AFAP1L2: variants seen among roughly 807,000 people sequenced by gnomAD.
AFAP1L2 encodes actin filament associated protein 1 like 2.
In AFAP1L2, 46 loss-of-function variants were observed where a neutral mutation model predicts 99.3. That is an observed-to-expected ratio of 0.46 (90% CI 0.37 to 0.59). The LOEUF is 0.59. Among genes scored for constraint, AFAP1L2 ranks in the 20% least tolerant of loss-of-function variants. The pLI is 0.00. For synonymous variants in AFAP1L2, 397 were observed against 419.1 expected (o/e 0.95, Z 0.64); for missense variants, 959 against 1,034.9 (o/e 0.93, Z 1.01).
chr10:114,310,536 G>T, intron 7 of AFAP1L2, 93 bp from the exon 8 acceptor site: 2 of 1,106,464 alleles, frequency 1.8e-6, no homozygotes, highest in Non-Finnish European at 2.6e-6. Flanking sequence ...GGTCAGGGGA[G>T]AGTGGGTGGA....
At chr10:114,289,088 T>C in the AFAP1L2 span, 2 of 1,614,094 alleles carry the variant, frequency 1.2e-6, no homozygotes, top group Non-Finnish European at 1.7e-6. Context: ...GGCCTGGTGG[T>C]GTATGGCAGC....
chr10:114,302,077 G>A (rs2041292234), intron 12 of AFAP1L2: 3 of 467,978 alleles, frequency 6.4e-6, no homozygotes, highest in Non-Finnish European at 1.2e-5. Flanking sequence ...CTGCCTGGAG[G>A]AGCTGGAGAG....
In AFAP1L2 at chr10:114,335,299, A is replaced by AT. The variant is rs398054745; in HGVS notation, c.146-2005dup. The stretch of plus-strand genomic sequence containing the variant: ...AGGACATTCACTACAATACTGCATG[A>AT]TTTTTTTTTTTAAAAAAAGAATACA... On this transcript the variant is annotated intron_variant, in intron 2 of 18. Transcript: ENST00000304129. 4.0e-3 allele frequency among the ~76,000 whole-genome samples: 601 copies of AT among 150,422 alleles called. 2 individuals carry two copies. The highest frequency in any genetic ancestry group is 6.9e-3 in the Middle Eastern group (2 of 290).
At chr10:114,397,779 G>C (rs1590883883) in intron 1 of AFAP1L2, among the ~76,000 whole-genome samples, 1 of 152,156 alleles carries the variant, frequency 6.6e-6, no homozygotes, top group Non-Finnish European at 1.5e-5. Context: ...AGCCTCTCTT[G>C]CTTTAATCTC....
intron 7 of AFAP1L2, among the ~76,000 whole-genome samples, chr10:114,313,354 G>A (rs1326817179): frequency 2.6e-5 from 4 of 152,142 alleles, no homozygotes; most frequent in African/African-American, 9.7e-5. Context: ...AGTGGGCCAC[G>A]TGCATTCGTG....
intron 4 of AFAP1L2, among the ~76,000 whole-genome samples, chr10:114,331,139 C>T (rs1372015209): frequency 6.6e-6 from 1 of 152,058 alleles, no homozygotes; most frequent in East Asian, 1.9e-4. Context: ...TGAGGCCATG[C>T]TAAGGAACGG....
intron 5 of AFAP1L2, among the ~76,000 whole-genome samples, chr10:114,318,883 G>A (rs933951126): frequency 1.3e-5 from 2 of 152,130 alleles, no homozygotes; most frequent in African/African-American, 4.8e-5. Flanking sequence ...GCCAGGCATG[G>A]TGGCTCATGC....
chr10:114,318,446 GA>G (rs1248721402), intron 5 of AFAP1L2, among the ~76,000 whole-genome samples: 1 of 151,646 alleles, frequency 6.6e-6, no homozygotes, highest in Non-Finnish European at 1.5e-5. Context: ...AAAACATTGA[GA>G]AAAAAAAGAG....
At chr10:114,328,171 G>A (rs1413846705) in intron 4 of AFAP1L2, among the ~76,000 whole-genome samples, 2 of 152,030 alleles carry the variant, frequency 1.3e-5, no homozygotes, top group Non-Finnish European at 2.9e-5. Flanking sequence ...CCACACCCAC[G>A]AGGTTGCTCC....
intron 4 of AFAP1L2, among the ~76,000 whole-genome samples, chr10:114,325,214 A>G (rs1173080298): frequency 6.6e-6 from 1 of 152,174 alleles, no homozygotes; most frequent in Non-Finnish European, 1.5e-5. Flanking sequence ...TTGAAAATTC[A>G]ATGAGACAAA....
chr10:114,288,542 C>T, the AFAP1L2 span, among the ~76,000 whole-genome samples: 3 of 152,320 alleles, frequency 2.0e-5, no homozygotes, highest in Non-Finnish European at 4.4e-5. Flanking sequence ...GTGAGTGGCC[C>T]GGGCCAGCAG....
At chr10:114,323,965 G>A (rs528236745) in intron 4 of AFAP1L2, among the ~76,000 whole-genome samples, 20 of 152,280 alleles carry the variant, frequency 1.3e-4, no homozygotes, top group African/African-American at 2.9e-4. Flanking sequence ...TGATCTTTGC[G>A]CCGAGCCTCA....
At chr10:114,290,214 G>T, downstream of AFAP1L2, 1 of 1,549,762 alleles carries the variant, frequency 6.5e-7, no homozygotes, top group Non-Finnish European at 8.7e-7. Context: ...TGGCCGGCCT[G>T]GTGGGTATGG....
chr10:114,384,761 T>G (rs1045244050), intron 1 of AFAP1L2, among the ~76,000 whole-genome samples: 1 of 152,184 alleles, frequency 6.6e-6, no homozygotes, highest in Non-Finnish European at 1.5e-5. Context: ...CTGTGCCCTG[T>G]GGCCAGGGAC....
intron 1 of AFAP1L2, among the ~76,000 whole-genome samples, chr10:114,387,707 C>T (rs890599474): frequency 6.6e-6 from 1 of 152,180 alleles, no homozygotes. Flanking sequence ...GATATGAACC[C>T]AATCTGCACG....
intron 1 of AFAP1L2, among the ~76,000 whole-genome samples, chr10:114,347,642 C>T (rs553289173): frequency 1.3e-5 from 2 of 152,078 alleles, no homozygotes; most frequent in Admixed American, 1.3e-4. Context: ...TCTCAAGTAG[C>T]TGGGACTATA....
At chr10:114,318,615 C>T (rs764792864) in intron 5 of AFAP1L2, among the ~76,000 whole-genome samples, 7 of 151,030 alleles carry the variant, frequency 4.6e-5, no homozygotes, top group East Asian at 1.9e-4. Flanking sequence ...TGGTGATGGA[C>T]GCCTATAATC....
At chr10:114,321,778 C>A (rs531585814) in intron 5 of AFAP1L2, among the ~76,000 whole-genome samples, 116 of 152,326 alleles carry the variant, frequency 7.6e-4, no homozygotes, top group African/African-American at 2.7e-3. Context: ...AATCCCCACA[C>A]CAAGAGCACT....
intron 1 of AFAP1L2, among the ~76,000 whole-genome samples, chr10:114,370,523 G>A (rs2053950307): frequency 6.6e-6 from 1 of 152,208 alleles, no homozygotes; most frequent in Admixed American, 6.5e-5. Context: ...TCCACAGAAG[G>A]CTGGAAGATT....
Sources: gnomAD v4.1 joint callset for allele counts (sites outside exome capture counted in the v4.1 genomes callset) on GRCh38, gnomAD v4.1.1 for gene constraint, MANE v1.5 for transcripts, NCBI Gene and HGNC (gene_info 2026-07-23, HGNC 2026-07-21) for gene names.